KIAA1217: variants seen among roughly 807,000 people sequenced by gnomAD.
KIAA1217 encodes the protein sickle tail protein homolog.
KIAA1217 carries 88 observed loss-of-function variants against 163.9 expected under a neutral mutation model. The ratio of observed to expected loss-of-function variants is 0.54; its 90% CI spans 0.45 to 0.64. The LOEUF is 0.64. KIAA1217 is among the 30% of genes least tolerant of loss of function. KIAA1217 has a pLI of 0.00. For missense variants in KIAA1217, 2,372 were observed against 2,475.0 expected (o/e 0.96, Z 0.88); for synonymous variants, 903 against 923.1 (o/e 0.98, Z 0.39).
At chr10:23,966,717 T>C (rs1845081789) in intron 1 of KIAA1217, among the ~76,000 whole-genome samples, 1 of 152,250 alleles carries the variant, frequency 6.6e-6, no homozygotes, top group South Asian at 2.1e-4. Context: ...CTGGAGATTA[T>C]AGTTTTATGA....
chr10:24,355,694 G>GAGCA (rs2048995716), intron 2 of KIAA1217, among the ~76,000 whole-genome samples: 1 of 140,354 alleles, frequency 7.1e-6, no homozygotes, highest in Non-Finnish European at 1.5e-5. Context: ...CGCCACAGCT[G>GAGCA]AGCAGGCTGA....
chr10:23,955,764 T>C (rs1844533256), intron 1 of KIAA1217, among the ~76,000 whole-genome samples: 1 of 152,206 alleles, frequency 6.6e-6, no homozygotes, highest in South Asian at 2.1e-4. Flanking sequence ...CTATAATCCT[T>C]TTAAATTGAT....
At chr10:23,980,232 G>A (rs1054420417) in intron 1 of KIAA1217, among the ~76,000 whole-genome samples, 6 of 152,142 alleles carry the variant, frequency 3.9e-5, no homozygotes, top group African/African-American at 1.4e-4. Context: ...AAACATGCTT[G>A]ACTGAGCTCA....
intron 14 of KIAA1217, among the ~76,000 whole-genome samples, chr10:24,529,790 C>T (rs2072830699): frequency 6.7e-6 from 1 of 148,952 alleles, no homozygotes; most frequent in Non-Finnish European, 1.5e-5. Flanking sequence ...AATGCCCTAG[C>T]TCATCACATT....
intron 4 of KIAA1217, among the ~76,000 whole-genome samples, chr10:24,436,675 G>A (rs1005483151): frequency 1.0e-4 from 14 of 140,444 alleles, no homozygotes; most frequent in Non-Finnish European, 1.7e-4. Flanking sequence ...GGAGAATGCT[G>A]TGAACCCGGG....
intron 3 of KIAA1217, among the ~76,000 whole-genome samples, chr10:24,420,535 A>G (rs1591786692): frequency 6.6e-6 from 1 of 152,138 alleles, no homozygotes; most frequent in East Asian, 1.9e-4. Flanking sequence ...ATTAGGTAAT[A>G]TTTTCCAGCA....
At chr10:24,471,740 G>A (rs2063537571) in intron 5 of KIAA1217, among the ~76,000 whole-genome samples, 1 of 152,020 alleles carries the variant, frequency 6.6e-6, no homozygotes, top group Admixed American at 6.6e-5. Context: ...AAAATTAGCT[G>A]GGTGTGGTGG....
intron 1 of KIAA1217, among the ~76,000 whole-genome samples, chr10:23,719,327 T>C (rs2130758071): frequency 6.6e-6 from 1 of 152,216 alleles, no homozygotes. Flanking sequence ...ATGCCTGTAA[T>C]CCCAACACTT....
intron 1 of KIAA1217, among the ~76,000 whole-genome samples, chr10:24,005,598 C>T (rs887190828): frequency 3.9e-5 from 6 of 152,154 alleles, no homozygotes; most frequent in African/African-American, 1.4e-4. Flanking sequence ...AACTCACTTT[C>T]CTTTATAGTA....
chr10:23,751,001 C>A (rs557818545), intron 1 of KIAA1217, among the ~76,000 whole-genome samples: 1 of 150,330 alleles, frequency 6.7e-6, no homozygotes, highest in South Asian at 2.1e-4. Context: ...CCTTCCCTTC[C>A]CTTTGTTTTT....
chr10:24,035,209 A>C (rs550699028), intron 2 of KIAA1217, among the ~76,000 whole-genome samples: 1 of 152,158 alleles, frequency 6.6e-6, no homozygotes, highest in Non-Finnish European at 1.5e-5. Flanking sequence ...TGGAGATAAT[A>C]ATGGTGTCTA....
intron 1 of KIAA1217, among the ~76,000 whole-genome samples, chr10:24,210,143 A>C (rs1238415140): frequency 6.8e-6 from 1 of 147,604 alleles, no homozygotes; most frequent in Admixed American, 6.7e-5. Flanking sequence ...GCGGGAGTGC[A>C]GTGCTGTGCG....
chr10:24,449,299 G>A (rs750207090), intron 5 of KIAA1217: 2 of 200,004 alleles, frequency 1.0e-5, no homozygotes, highest in African/African-American at 2.4e-5. Context: ...TTCCTGCTGC[G>A]TGGCTGCTTG....
At chr10:24,223,090 C>T (rs1423450546) in intron 2 of KIAA1217, among the ~76,000 whole-genome samples, 1 of 152,150 alleles carries the variant, frequency 6.6e-6, no homozygotes, top group Non-Finnish European at 1.5e-5. Flanking sequence ...GGTGTCTTTA[C>T]TGTGACCTGT....
intron 2 of KIAA1217, among the ~76,000 whole-genome samples, chr10:24,199,691 T>C (rs2067157923): frequency 6.6e-6 from 1 of 152,218 alleles, no homozygotes; most frequent in Non-Finnish European, 1.5e-5. Flanking sequence ...AAGCTGTGTG[T>C]GTATGTGTCT....
At chr10:23,922,082 G>C (rs996920055) in intron 1 of KIAA1217, among the ~76,000 whole-genome samples, 2 of 152,016 alleles carry the variant, frequency 1.3e-5, no homozygotes, top group African/African-American at 4.8e-5. Flanking sequence ...GCAGAGAGTG[G>C]CTGGAGATGG....
At chr10:24,042,959 A>G (rs1356721180) in intron 2 of KIAA1217, among the ~76,000 whole-genome samples, 1 of 152,202 alleles carries the variant, frequency 6.6e-6, no homozygotes, top group Non-Finnish European at 1.5e-5. Flanking sequence ...ATACTAACGT[A>G]TGGTTCATTG....
chr10:23,866,695 T>C (rs1262240954), intron 1 of KIAA1217, among the ~76,000 whole-genome samples: 3 of 151,904 alleles, frequency 2.0e-5, no homozygotes, highest in African/African-American at 7.3e-5. Flanking sequence ...CACCTGCTAC[T>C]CTCCCAGCTT....
intron 1 of KIAA1217, among the ~76,000 whole-genome samples, chr10:23,884,004 G>A (rs1016081941): frequency 6.6e-5 from 10 of 151,980 alleles, no homozygotes; most frequent in South Asian, 4.1e-4. Flanking sequence ...TGATCCATTC[G>A]CCTACTGAAA....
Sources: gnomAD v4.1 joint callset for allele counts (sites outside exome capture counted in the v4.1 genomes callset) on GRCh38, gnomAD v4.1.1 for gene constraint, MANE v1.5 for transcripts, NCBI Gene and HGNC (gene_info 2026-07-23, HGNC 2026-07-21) for gene names.